SHANK2: variants seen among roughly 807,000 people sequenced by gnomAD.
SHANK2 encodes the protein SH3 and multiple ankyrin repeat domains 2, also known as SH3 and multiple ankyrin repeat domains protein 2.
A neutral mutation model predicts 133.7 loss-of-function variants in SHANK2; 43 were observed. The ratio of observed to expected loss-of-function variants is 0.32; its 90% CI spans 0.25 to 0.41. The LOEUF (loss-of-function observed/expected upper bound fraction) is 0.41, where lower values mean the gene tolerates loss of function less well. Ranked by LOEUF, SHANK2 falls within the 10% of genes least tolerant of loss-of-function variation. The probability of loss-of-function intolerance (pLI) is 1.00; values close to 1 mark genes in which losing one functional copy is unlikely to be tolerated. For synonymous variants in SHANK2, 1,017 were observed against 952.8 expected (o/e 1.07, Z -1.24); for missense variants, 1,994 against 2,235.8 (o/e 0.89, Z 2.18).
At chr11:70,800,096 G>A (rs1450502585) in intron 13 of SHANK2, among the ~76,000 whole-genome samples, 12 of 151,922 alleles carry the variant, frequency 7.9e-5, no homozygotes, top group South Asian at 2.1e-4. Context: ...TCATCACAGC[G>A]CACTGCAGCC....
intron 8 of SHANK2, among the ~76,000 whole-genome samples, chr11:71,091,337 A>G (rs1369686158): frequency 6.6e-6 from 1 of 152,196 alleles, no homozygotes; most frequent in Non-Finnish European, 1.5e-5. Flanking sequence ...ACCTAGCACA[A>G]GAAAGCCCAG....
chr11:70,509,787 C>T (rs1271361758), intron 17 of SHANK2, among the ~76,000 whole-genome samples: 4 of 152,226 alleles, frequency 2.6e-5, no homozygotes, highest in African/African-American at 9.6e-5. Context: ...AAAAGGGACC[C>T]TGGAGCAACC....
chr11:70,747,970 A>G lies in SHANK2; in HGVS notation c.1778-49207T>C, dbSNP rs191252080. Among the ~76,000 whole-genome samples, 3 of 152,304 alleles carry G rather than the reference A, an allele frequency of 2.0e-5. No homozygotes were observed. The East Asian group carries it at 5.8e-4, about 29-fold the overall frequency. On this transcript the variant is annotated intron_variant, in intron 14 of 25. Transcript: ENST00000601538. ...ATGGACAATAATAAATATTAGACGA[A>G]AAAAGAGGAGAGGGAAGGAGGCAGG... is the stretch of plus-strand genomic sequence containing the variant.
intron 10 of SHANK2, among the ~76,000 whole-genome samples, chr11:70,919,120 C>T (rs1455541812): frequency 6.6e-6 from 1 of 152,092 alleles, no homozygotes; most frequent in African/African-American, 2.4e-5. Flanking sequence ...GCCGTGATCA[C>T]CCCACTATAC....
intron 10 of SHANK2, among the ~76,000 whole-genome samples, chr11:70,933,940 A>C (rs573072899): frequency 2.0e-5 from 3 of 151,902 alleles, no homozygotes; most frequent in South Asian, 2.1e-4. Flanking sequence ...CAAACAAACA[A>C]AACAACAACA....
chr11:70,518,438 C>T (rs1019246066), intron 17 of SHANK2, among the ~76,000 whole-genome samples: 7 of 152,178 alleles, frequency 4.6e-5, no homozygotes, highest in Admixed American at 6.5e-5. Context: ...CATGAGGCAC[C>T]GCGTCATGGC....
chr11:71,213,570 C>T (rs375728776), intron 2 of SHANK2, among the ~76,000 whole-genome samples: 53 of 152,226 alleles, frequency 3.5e-4, no homozygotes, highest in African/African-American at 1.2e-3. Context: ...AATCACTGCA[C>T]GAGCCATGTG....
chr11:71,214,236 G>A (rs1369157841), intron 2 of SHANK2, among the ~76,000 whole-genome samples: 6 of 152,116 alleles, frequency 3.9e-5, no homozygotes, highest in African/African-American at 1.4e-4. Flanking sequence ...ACCTTCTTTT[G>A]GGAAATCTTT....
chr11:70,854,153 C>T (rs534778313), intron 11 of SHANK2, among the ~76,000 whole-genome samples: 1 of 152,256 alleles, frequency 6.6e-6, no homozygotes, highest in Admixed American at 6.5e-5. Context: ...CGCATTTACC[C>T]CTTGCTTTTG....
At chr11:71,118,500 T>C (rs561978377) in intron 4 of SHANK2, among the ~76,000 whole-genome samples, 9 of 152,226 alleles carry the variant, frequency 5.9e-5, no homozygotes, top group South Asian at 2.1e-4. Flanking sequence ...CAGACACTTA[T>C]AATAAAACCA....
Position 70,820,528 on chromosome 11 carries a change from G to A in SHANK2, c.1329C>T (p.Arg443=). ...WAVCSTATSH[R]SLSPQLLQQM... is the part of the protein sequence containing the mutation. ...GCTGCAGCAGCTGGGGTGACAGGCT[G>A]CGGTGCGAGGTGGCCGTGGAGCAGA... is the stretch of plus-strand genomic sequence containing the variant. Residue 443 remains arginine, a synonymous_variant, in exon 12 of 26, where the codon CGC becomes CGT. Transcript: ENST00000601538. The A allele has an allele frequency of 1.4e-6, 1 of 717,130 alleles. No homozygotes were observed. Among genetic ancestry groups the A allele is most frequent in the South Asian group, 1.5e-5 (1 of 67,582 alleles). The allele number at this position is 717,130 out of a possible 1,614,324, so 44.4% of individuals were successfully genotyped here. A position where few individuals can be genotyped will look rare whatever the true frequency, so the allele number is the denominator to read the frequency against.
At chr11:70,483,163 C>T (rs1412764108) in intron 25 of SHANK2, among the ~76,000 whole-genome samples, 1 of 152,174 alleles carries the variant, frequency 6.6e-6, no homozygotes, top group African/African-American at 2.4e-5. Context: ...TCAGGAAACC[C>T]CAGCCTGTGT....
chr11:70,509,001 C>T (rs1407192955), intron 17 of SHANK2, among the ~76,000 whole-genome samples: 5 of 152,190 alleles, frequency 3.3e-5, no homozygotes, highest in Non-Finnish European at 7.4e-5. Context: ...GCCAGGAAAC[C>T]GTCAGCTCCT....
intron 6 of SHANK2, among the ~76,000 whole-genome samples, chr11:71,106,467 C>T (rs1428666600): frequency 1.3e-5 from 2 of 152,130 alleles, no homozygotes; most frequent in Non-Finnish European, 2.9e-5. Flanking sequence ...AGCCCAGAGG[C>T]TTGTCATCAT....
intron 15 of SHANK2, among the ~76,000 whole-genome samples, chr11:70,697,456 C>T (rs982165007): frequency 6.6e-6 from 1 of 152,152 alleles, no homozygotes; most frequent in Non-Finnish European, 1.5e-5. Context: ...AGCCCACAGA[C>T]AGAAGCAGGT....
chr11:71,210,316 T>C (rs1278334616), intron 2 of SHANK2, among the ~76,000 whole-genome samples: 1 of 148,004 alleles, frequency 6.8e-6, no homozygotes, highest in Non-Finnish European at 1.5e-5. Context: ...TAGTGTGATC[T>C]TGGCTCACTG....
chr11:70,791,222 T>C (rs1330599179), intron 14 of SHANK2, among the ~76,000 whole-genome samples: 1 of 152,116 alleles, frequency 6.6e-6, no homozygotes, highest in African/African-American at 2.4e-5. Flanking sequence ...CCAACCTCCT[T>C]TTCACAAACG....
intron 17 of SHANK2, among the ~76,000 whole-genome samples, chr11:70,599,385 A>G (rs1326494863): frequency 1.3e-5 from 2 of 150,154 alleles, no homozygotes; most frequent in Non-Finnish European, 3.0e-5. Context: ...AGGCGGGCGG[A>G]TCATGAGGTC....
At chr11:70,691,998 G>A (rs1234778256) in intron 15 of SHANK2, among the ~76,000 whole-genome samples, 12 of 152,176 alleles carry the variant, frequency 7.9e-5, no homozygotes, top group Admixed American at 5.2e-4. Flanking sequence ...CAAAGAAGCC[G>A]CCATGGGGGC....
Sources: allele counts gnomAD v4.1 joint callset (sites outside exome capture counted in the v4.1 genomes callset), GRCh38; gene constraint gnomAD v4.1.1; transcripts MANE v1.5; gene names NCBI Gene and HGNC (gene_info 2026-07-23, HGNC 2026-07-21).